PKNOX2: variants seen among roughly 807,000 people sequenced by gnomAD.
PKNOX2 encodes the protein homeobox protein PKNOX2.
In PKNOX2, 14 loss-of-function variants were observed where a neutral mutation model predicts 53.1. The observed-to-expected ratio is 0.26, with a 90% confidence interval of 0.17 to 0.41. The LOEUF is 0.41. Ranked by LOEUF, PKNOX2 falls within the 10% of genes least tolerant of loss-of-function variation. The pLI is 1.00. For missense variants in PKNOX2, 496 were observed against 602.8 expected (o/e 0.82, Z 1.85); for synonymous variants, 257 against 242.8 (o/e 1.06, Z -0.54).
intron 2 of PKNOX2, among the ~76,000 whole-genome samples, chr11:125,307,228 A>T (rs2135987100): frequency 6.6e-6 from 1 of 152,330 alleles, no homozygotes; most frequent in Non-Finnish European, 1.5e-5. Context: ...GAGTGACAAC[A>T]GAAGAAAAAG....
intron 2 of PKNOX2, among the ~76,000 whole-genome samples, chr11:125,248,662 A>G (rs1420223750): frequency 6.7e-6 from 1 of 148,492 alleles, no homozygotes; most frequent in Non-Finnish European, 1.5e-5. Context: ...GATATGTGTT[A>G]TATATAATAC....
chr11:125,269,561 A>G lies in PKNOX2; in HGVS notation c.-130+34446A>G, dbSNP rs115458365. Among the ~76,000 whole-genome samples, 690 of 152,340 alleles carry G rather than the reference A, an allele frequency of 4.5e-3. 5 individuals are homozygous for G. Among genetic ancestry groups the G allele is most frequent in the African/African-American group, 0.014 (576 of 41,574 alleles). On this transcript the variant is annotated intron_variant, in intron 2 of 12. Coordinates refer to ENST00000298282, the MANE Select transcript of PKNOX2 (RefSeq NM_001382323.2). ...TGCTGACACTGGCAGAGGCACGACC[A>G]AGTCTCCTAGACTGAGGCCCTCTTG...
At chr11:125,324,353 T>G (rs142613061) in intron 2 of PKNOX2, among the ~76,000 whole-genome samples, 2 of 152,340 alleles carry the variant, frequency 1.3e-5, no homozygotes, top group East Asian at 3.9e-4. Context: ...ATATGGTTCT[T>G]CGTAAAGGAG....
chr11:125,305,065 C>A (rs1345582200), intron 2 of PKNOX2, among the ~76,000 whole-genome samples: 1 of 152,130 alleles, frequency 6.6e-6, no homozygotes, highest in Non-Finnish European at 1.5e-5. Flanking sequence ...GGATTCGAAC[C>A]CATCTGGCCC....
intron 11 of PKNOX2, 51 bp downstream of exon 11, chr11:125,429,139 T>C (rs748618433): frequency 7.9e-6 from 12 of 1,514,326 alleles, no homozygotes; most frequent in South Asian, 5.6e-5. Flanking sequence ...GGCCACCTTC[T>C]GGGCAGGGGA....
intron 2 of PKNOX2, among the ~76,000 whole-genome samples, chr11:125,269,557 G>A (rs750470450): frequency 6.6e-6 from 1 of 152,190 alleles, no homozygotes; most frequent in African/African-American, 2.4e-5. Flanking sequence ...GCAGAGGCAC[G>A]ACCAAGTCTC....
At chr11:125,281,233 C>T (rs1946536808) in intron 2 of PKNOX2, among the ~76,000 whole-genome samples, 1 of 152,196 alleles carries the variant, frequency 6.6e-6, no homozygotes, top group Admixed American at 6.5e-5. Flanking sequence ...GATTGGACTC[C>T]TGGAACGTAT....
In PKNOX2 at chr11:125,233,690, G is replaced by A. The variant is rs117609909; in HGVS notation, c.-200-1355G>A. 1.3e-3 allele frequency among the ~76,000 whole-genome samples: 204 copies of A among 152,288 alleles called. 5 individuals carry two copies. In the East Asian group the frequency reaches 0.033, roughly 24 times the overall value. ...GCCCCTGAGGAAATGACTTTGCCTC[G>A]AGGAAGTCATCATGAACCAGAGAGA... On this transcript the variant is annotated intron_variant, in intron 1 of 12. Transcript: ENST00000298282.
chr11:125,175,337 C>A (rs1210093138), intron 1 of PKNOX2, among the ~76,000 whole-genome samples: 1 of 152,220 alleles, frequency 6.6e-6, no homozygotes, highest in Non-Finnish European at 1.5e-5. Flanking sequence ...GGGAACTTCC[C>A]AGCATTTCTG....
intron 2 of PKNOX2, among the ~76,000 whole-genome samples, chr11:125,323,545 C>T (rs563814507): frequency 3.9e-5 from 6 of 152,246 alleles, no homozygotes; most frequent in South Asian, 2.1e-4. Context: ...TCTCCATAAG[C>T]GGTGTGGTCA....
chr11:125,234,069 C>T (rs1359360588), intron 1 of PKNOX2, among the ~76,000 whole-genome samples: 1 of 151,982 alleles, frequency 6.6e-6, no homozygotes, highest in Non-Finnish European at 1.5e-5. Context: ...CTTGGATAGC[C>T]CCCGTCTTTG....
rs559952579 is a variant in PKNOX2, at chr11:125,196,235, C to T, written c.-201+31459C>T. ...TCCCAGAGCTTGTGTATTCCCGTGG[C>T]ACCCGAGAAGGGGCTGTGAGGTCTG... On this transcript the variant is annotated intron_variant, in intron 1 of 12. Coordinates refer to ENST00000298282, the MANE Select transcript of PKNOX2 (RefSeq NM_001382323.2). Among the ~76,000 whole-genome samples the T allele has an allele frequency of 3.3e-5, 5 of 152,270 alleles. No individual in the cohort carries two copies. In the South Asian group the frequency reaches 6.2e-4, roughly 19 times the overall value.
intron 9 of PKNOX2, chr11:125,411,510 C>CTCTCTCTCA: frequency 2.1e-6 from 1 of 470,162 alleles, no homozygotes; most frequent in East Asian, 4.1e-5. Context: ...CTCTCTCTCT[C>CTCTCTCTCA]CCCCCCTTCC....
chr11:125,294,565 G>A (rs144893995), intron 2 of PKNOX2, among the ~76,000 whole-genome samples: 157 of 152,272 alleles, frequency 1.0e-3, no homozygotes, highest in African/African-American at 3.5e-3. Flanking sequence ...GGCATTTGCC[G>A]GTGAGTAGAA....
intron 2 of PKNOX2, among the ~76,000 whole-genome samples, chr11:125,236,818 G>C (rs1490871528): frequency 2.6e-5 from 4 of 152,222 alleles, no homozygotes; most frequent in Non-Finnish European, 5.9e-5. Flanking sequence ...GCCCAGTTGA[G>C]GAGGGAAGGG....
At chr11:125,418,785 G>A (rs192534774) in intron 10 of PKNOX2, among the ~76,000 whole-genome samples, 59 of 152,094 alleles carry the variant, frequency 3.9e-4, no homozygotes, top group Non-Finnish European at 3.2e-4. Context: ...TTAAGTGGAT[G>A]GTTGCATCTG....
intron 2 of PKNOX2, among the ~76,000 whole-genome samples, chr11:125,250,760 C>T (rs997414807): frequency 2.0e-5 from 3 of 152,220 alleles, no homozygotes; most frequent in African/African-American, 7.2e-5. Context: ...AGACCGCAGG[C>T]TTTCACACAA....
chr11:125,377,904 AG>A (rs2135313710), intron 5 of PKNOX2, among the ~76,000 whole-genome samples: 1 of 152,344 alleles, frequency 6.6e-6, no homozygotes, highest in South Asian at 2.1e-4. Flanking sequence ...AGCTTGATCT[AG>A]GAGAGATACT....
At chr11:125,217,604 C>T (rs1030243418) in intron 1 of PKNOX2, among the ~76,000 whole-genome samples, 2 of 152,196 alleles carry the variant, frequency 1.3e-5, no homozygotes, top group Non-Finnish European at 2.9e-5. Flanking sequence ...GCTGTCTCCT[C>T]TGCGTGATTG....
Sources: allele counts gnomAD v4.1 joint callset (sites outside exome capture counted in the v4.1 genomes callset), GRCh38; gene constraint gnomAD v4.1.1; transcripts MANE v1.5; gene names NCBI Gene and HGNC (gene_info 2026-07-23, HGNC 2026-07-21).